Variants in PDE1C observed in about 807,000 individuals in gnomAD.
PDE1C encodes the protein phosphodiesterase 1C, also known as dual specificity calcium/calmodulin-dependent 3',5'-cyclic nucleotide phosphodiesterase 1C.
In PDE1C, 62 loss-of-function variants were observed where a neutral mutation model predicts 93.1. That is an observed-to-expected ratio of 0.67 (90% CI 0.54 to 0.82). PDE1C has a LOEUF of 0.82. Ranked by LOEUF, PDE1C falls within the 40% of genes least tolerant of loss-of-function variation. PDE1C has a pLI of 0.00. For synonymous variants in PDE1C, 325 were observed against 310.1 expected, an observed-to-expected ratio of 1.05 and a Z score of -0.50; for missense variants, 742 against 884.6, an observed-to-expected ratio of 0.84 and a Z score of 2.04.
chr7:32,083,092 T>G (rs1324323617), intron 3 of PDE1C, among the ~76,000 whole-genome samples: 1 of 151,804 alleles, frequency 6.6e-6, no homozygotes, highest in Non-Finnish European at 1.5e-5. Flanking sequence ...GGCAAAGAAG[T>G]TAAAAACTTT....
chr7:31,668,882 G>T, the PDE1C span, among the ~76,000 whole-genome samples: 1 of 152,122 alleles, frequency 6.6e-6, no homozygotes, highest in Non-Finnish European at 1.5e-5. Context: ...AAATACCTGA[G>T]GGGCAAGGAG....
At chr7:32,005,964 T>A (rs979603320) in intron 2 of PDE1C, among the ~76,000 whole-genome samples, 3 of 152,186 alleles carry the variant, frequency 2.0e-5, no homozygotes, top group Non-Finnish European at 2.9e-5. Flanking sequence ...ATAAAAGATA[T>A]CTTAAAGTAT....
chr7:31,691,516 G>A, the PDE1C span, among the ~76,000 whole-genome samples: 3 of 152,048 alleles, frequency 2.0e-5, no homozygotes, highest in South Asian at 2.1e-4. Flanking sequence ...ATAAATCTCA[G>A]CTAATGCATT....
At chr7:31,831,196 C>T (rs751546516) in intron 11 of PDE1C, among the ~76,000 whole-genome samples, 4 of 152,048 alleles carry the variant, frequency 2.6e-5, no homozygotes, top group Non-Finnish European at 4.4e-5. Flanking sequence ...GGGAGGAAGG[C>T]ACAAATATAA....
intron 1 of PDE1C, among the ~76,000 whole-genome samples, chr7:32,261,377 C>T (rs529400052): frequency 2.0e-5 from 3 of 152,238 alleles, no homozygotes; most frequent in Middle Eastern, 3.4e-3. Flanking sequence ...CCATCTCCAA[C>T]CTGACCAATC....
At chr7:32,216,788 T>C (rs983972763) in intron 1 of PDE1C, among the ~76,000 whole-genome samples, 4 of 152,020 alleles carry the variant, frequency 2.6e-5, no homozygotes, top group Non-Finnish European at 5.9e-5. Context: ...CCCAGGAGTA[T>C]CTAGTGCCAA....
chr7:32,335,224 G>C (rs556604853), intron 1 of PDE1C, among the ~76,000 whole-genome samples: 1 of 152,178 alleles, frequency 6.6e-6, no homozygotes, highest in Admixed American at 6.5e-5. Context: ...AGCAGAGAAC[G>C]CAAGTCCACA....
chr7:31,641,347 G>A, the PDE1C span, among the ~76,000 whole-genome samples: 3 of 152,082 alleles, frequency 2.0e-5, no homozygotes, highest in Admixed American at 1.3e-4. Flanking sequence ...TAATCTCCCA[G>A]GACAGACAAG....
intron 7 of PDE1C, among the ~76,000 whole-genome samples, chr7:31,858,799 G>A (rs1794324234): frequency 6.6e-6 from 1 of 151,858 alleles, no homozygotes; most frequent in South Asian, 2.1e-4. Flanking sequence ...TAAGAATACT[G>A]AGAAATTCAA....
At chr7:32,109,280 G>A (rs1375540572) in intron 3 of PDE1C, among the ~76,000 whole-genome samples, 1 of 152,132 alleles carries the variant, frequency 6.6e-6, no homozygotes, top group African/African-American at 2.4e-5. Flanking sequence ...TATGAAGAAA[G>A]GGATAACATA....
At chr7:31,843,813 T>C (rs1792215406) in intron 9 of PDE1C, among the ~76,000 whole-genome samples, 1 of 151,860 alleles carries the variant, frequency 6.6e-6, no homozygotes, top group Admixed American at 6.6e-5. Context: ...TTTAAATCAA[T>C]TTTAATTTAT....
intron 1 of PDE1C, among the ~76,000 whole-genome samples, chr7:32,248,794 C>T (rs2128873929): frequency 6.6e-6 from 1 of 152,320 alleles, no homozygotes; most frequent in Admixed American, 6.5e-5. Context: ...GTCAGCAACA[C>T]TTGGAAAAGA....
At chr7:31,779,187 G>A (rs1783217874) in intron 16 of PDE1C, among the ~76,000 whole-genome samples, 2 of 152,142 alleles carry the variant, frequency 1.3e-5, no homozygotes, top group Non-Finnish European at 2.9e-5. Context: ...CACCTTGTGT[G>A]GTAGAAATTT....
At chr7:31,769,329 T>C (rs1426388335) in intron 17 of PDE1C, among the ~76,000 whole-genome samples, 1 of 152,226 alleles carries the variant, frequency 6.6e-6, no homozygotes, top group Non-Finnish European at 1.5e-5. Context: ...CTGCACATAA[T>C]CAGCTTCTCA....
chr7:31,961,052 C>A (rs1210960065), intron 2 of PDE1C, among the ~76,000 whole-genome samples: 2 of 152,096 alleles, frequency 1.3e-5, no homozygotes, highest in Non-Finnish European at 2.9e-5. Context: ...AAGAAAGTGT[C>A]ACTTTCTGTT....
intron 2 of PDE1C, among the ~76,000 whole-genome samples, chr7:31,927,835 A>G (rs916456875): frequency 2.0e-5 from 3 of 152,134 alleles, no homozygotes; most frequent in Non-Finnish European, 4.4e-5. Context: ...ATGAGGAAAA[A>G]CCAGTGCAAA....
Position 31,955,833 on chromosome 7 carries a change from G to A in PDE1C, c.129-74973C>T, listed in dbSNP as rs150965376. Among the ~76,000 whole-genome samples the A allele has an allele frequency of 3.4e-3, 514 of 152,270 alleles. 1 individual carries two copies. Among genetic ancestry groups the A allele is most frequent in the Non-Finnish European group, 6.2e-3 (420 of 68,006 alleles). On this transcript the variant is annotated intron_variant, in intron 2 of 17. Coordinates refer to ENST00000396191, the MANE Select transcript of PDE1C (RefSeq NM_001191057.4). ...CCGCCTGCCAGTGCTACGTCACTCT[G>A]GTATCCAAAGTTCACTGTCTAAGCT...
chr7:31,860,023 T>C (rs569419381), intron 7 of PDE1C, among the ~76,000 whole-genome samples: 1 of 152,314 alleles, frequency 6.6e-6, no homozygotes, highest in African/African-American at 2.4e-5. Context: ...ATGAACCTGA[T>C]TGTATAGGCC....
intron 2 of PDE1C, among the ~76,000 whole-genome samples, chr7:31,891,782 T>C (rs2128900757): frequency 1.3e-5 from 2 of 148,422 alleles, no homozygotes; most frequent in South Asian, 4.4e-4. Context: ...TGCAATTATG[T>C]TGCACAGAAC....
Sources: allele counts gnomAD v4.1 joint callset (sites outside exome capture counted in the v4.1 genomes callset), GRCh38; gene constraint gnomAD v4.1.1; transcripts MANE v1.5; gene names NCBI Gene and HGNC (gene_info 2026-07-23, HGNC 2026-07-21).